The following CRISP1 variants were observed in gnomAD, a reference collection of about 807,000 sequenced individuals.
CRISP1 encodes cysteine rich secretory protein 1.
Under a neutral mutation model 33.1 loss-of-function variants are expected in CRISP1, and 44 were observed. That is an observed-to-expected ratio of 1.33 (90% CI 1.05 to 1.71). CRISP1 has a LOEUF of 1.71. CRISP1 is among the 40% of genes most tolerant of loss of function. The pLI is 0.00. For missense variants in CRISP1, 390 were observed against 301.2 expected, an observed-to-expected ratio of 1.29 and a Z score of -2.18; for synonymous variants, 103 against 98.7, an observed-to-expected ratio of 1.04 and a Z score of -0.26.
chr6:49,860,271 C>T (rs1195048640), intron 1 of CRISP1, among the ~76,000 whole-genome samples: 1 of 152,048 alleles, frequency 6.6e-6, no homozygotes, highest in African/African-American at 2.4e-5. Context: ...CCAAACGAAC[C>T]TAACAGACAT....
chr6:49,863,816 C>T (rs1047760091), intron 1 of CRISP1, among the ~76,000 whole-genome samples: 2 of 152,214 alleles, frequency 1.3e-5, no homozygotes, highest in African/African-American at 2.4e-5. Flanking sequence ...AAAGAATTAA[C>T]TCTACAAAGA....
intron 2 of CRISP1, among the ~76,000 whole-genome samples, chr6:49,855,001 C>T (rs537903428): frequency 5.9e-5 from 9 of 152,284 alleles, no homozygotes; most frequent in African/African-American, 1.9e-4. Context: ...GCTCAATTTG[C>T]ATATGCAATA....
chr6:49,874,593 A>G (rs911660054), intron 1 of CRISP1, among the ~76,000 whole-genome samples: 1 of 152,092 alleles, frequency 6.6e-6, no homozygotes, highest in East Asian at 1.9e-4. Flanking sequence ...TGGTAGAGAT[A>G]CAGCAACGAC....
intron 5 of CRISP1, 48 bp downstream of exon 5, chr6:49,846,472 C>T: frequency 6.4e-7 from 1 of 1,570,236 alleles, no homozygotes; most frequent in Non-Finnish European, 8.7e-7. Flanking sequence ...TTTCCACACA[C>T]ATGCTTATCT....
At chr6:49,843,251 C>T (rs1040093982) in intron 5 of CRISP1, among the ~76,000 whole-genome samples, 1 of 152,180 alleles carries the variant, frequency 6.6e-6, no homozygotes, top group Admixed American at 6.6e-5. Context: ...TGTTAAGATA[C>T]TCCTGGATTC....
At chr6:49,863,627 A>G (rs986793529) in intron 1 of CRISP1, among the ~76,000 whole-genome samples, 3 of 152,216 alleles carry the variant, frequency 2.0e-5, no homozygotes, top group Middle Eastern at 3.2e-3. Flanking sequence ...GTAAATCATA[A>G]ACAACTAAAA....
rs780555 is a variant in CRISP1 at position 49,834,361 on chromosome 6, T to C, written c.*955A>G. 151,472 of 152,102 alleles carry C rather than the reference T, an allele frequency of 1. 75,428 individuals carry two copies. Among genetic ancestry groups the C allele is most frequent in the Middle Eastern group, 1 (294 of 294 alleles). 9.4% of individuals were successfully genotyped at this position (152,102 alleles called of 1,614,324 possible). A position where few individuals can be genotyped will look rare whatever the true frequency, so the allele number is the denominator to read the frequency against. The stretch of plus-strand genomic sequence containing the variant: ...AATGTTAAAATTTGACCAAGTATTT[T>C]TAGCCTTCCCTTTCCCCATGTCAGG... On this transcript the variant is annotated 3_prime_UTR_variant, in exon 8 of 8. Transcript: ENST00000335847.
At position 49,848,158 on chromosome 6, in the gene CRISP1, C is replaced by CTGT. The variant is rs148402737; in HGVS notation, c.286+50_286+51insACA. On this transcript the variant is annotated intron_variant, in intron 4 of 7. Coordinates refer to ENST00000335847, the MANE Select transcript of CRISP1 (RefSeq NM_001131.3). ...AGGGTACATAACAATCCCTGTTTTA[C>CTGT]TATTTTTTTTTTTTTTAGTCCAAAG... is the stretch of plus-strand genomic sequence containing the variant. The CTGT allele has an allele frequency of 5.7e-3, 5,376 of 936,998 alleles. 23 individuals are homozygous for CTGT. The highest frequency in any genetic ancestry group is 7.5e-3 in the Non-Finnish European group (4,637 of 615,838). 58.0% of individuals were successfully genotyped at this position (936,998 alleles called of 1,614,324 possible).
rs185063726 is a variant in CRISP1 at position 49,847,488 on chromosome 6, A to G, written c.286+721T>C. Among the ~76,000 whole-genome samples, 4 of 152,040 alleles carry G rather than the reference A, an allele frequency of 2.6e-5. No homozygotes were observed. In the East Asian group the frequency reaches 7.8e-4, roughly 30 times the overall value. ...CTCTCTCTCTCTTGCTCCCTCTCTC[A>G]CCATGTGAGACACTTGCTCCCCCTT... On this transcript the variant is annotated intron_variant, in intron 4 of 7. Transcript: ENST00000335847.
chr6:49,876,846 G>A (rs1404347945), intron 1 of CRISP1, among the ~76,000 whole-genome samples: 1 of 151,890 alleles, frequency 6.6e-6, no homozygotes, highest in East Asian at 1.9e-4. Flanking sequence ...AGAATGCATG[G>A]ACACATGAGG....
intron 1 of CRISP1, among the ~76,000 whole-genome samples, chr6:49,859,694 TA>T (rs1771594632): frequency 6.6e-6 from 1 of 151,752 alleles, no homozygotes; most frequent in Admixed American, 6.6e-5. Context: ...ACCACCATGA[TA>T]AACAATAAGA....
At chr6:49,847,700 T>C (rs982303853) in intron 4 of CRISP1, among the ~76,000 whole-genome samples, 1 of 152,134 alleles carries the variant, frequency 6.6e-6, no homozygotes, top group Non-Finnish European at 1.5e-5. Flanking sequence ...TAATGTTTTT[T>C]TTTATTATTT....
chr6:49,845,904 T>C (rs574044972), intron 5 of CRISP1, among the ~76,000 whole-genome samples: 3 of 152,272 alleles, frequency 2.0e-5, no homozygotes, highest in Admixed American at 2.0e-4. Flanking sequence ...ATTGTATGTT[T>C]CCAAATTTAT....
chr6:49,839,356 TGG>T (rs1313460319), intron 6 of CRISP1, among the ~76,000 whole-genome samples: 1 of 126,884 alleles, frequency 7.9e-6, no homozygotes, highest in Non-Finnish European at 1.6e-5. Context: ...AAGGCTGAGG[TGG>T]GAGGATAGCT....
chr6:49,854,783 T>C (rs1771447896), intron 2 of CRISP1, among the ~76,000 whole-genome samples: 1 of 152,172 alleles, frequency 6.6e-6, no homozygotes, highest in African/African-American at 2.4e-5. Flanking sequence ...AGGCAATGTC[T>C]GGGGAAATTT....
chr6:49,857,286 T>A (rs772652189), intron 2 of CRISP1, 49 bp downstream of exon 2: 1 of 1,558,468 alleles, frequency 6.4e-7, no homozygotes, highest in Non-Finnish European at 8.8e-7. Flanking sequence ...AAGTGTTAGC[T>A]CTTATCTTTA....
chr6:49,838,557 C>G, intron 6 of CRISP1, 32 bp from the exon 7 acceptor site: 1 of 1,542,408 alleles, frequency 6.5e-7, no homozygotes, highest in Non-Finnish European at 8.9e-7. Context: ...TCATAAAACC[C>G]ATCTTTGAAA....
intron 1 of CRISP1, among the ~76,000 whole-genome samples, chr6:49,861,030 C>T (rs1188940418): frequency 1.3e-5 from 2 of 151,844 alleles, no homozygotes; most frequent in Non-Finnish European, 2.9e-5. Context: ...ATACAACCTA[C>T]CAAGATTGAA....
intron 4 of CRISP1, among the ~76,000 whole-genome samples, chr6:49,847,487 C>T (rs1202016670): frequency 6.6e-6 from 1 of 152,086 alleles, no homozygotes; most frequent in African/African-American, 2.4e-5. Context: ...CTCCCTCTCT[C>T]ACCATGTGAG....
Sources: allele counts gnomAD v4.1 joint callset (sites outside exome capture counted in the v4.1 genomes callset), GRCh38; gene constraint gnomAD v4.1.1; transcripts MANE v1.5; gene names NCBI Gene and HGNC (gene_info 2026-07-23, HGNC 2026-07-21).